ALKBH1: variants seen among roughly 807,000 people sequenced by gnomAD.
ALKBH1 encodes alkB homolog 1, histone H2A dioxygenase, also known as nucleic acid dioxygenase ALKBH1.
Under a neutral mutation model 36.6 loss-of-function variants are expected in ALKBH1, and 31 were observed. That is an observed-to-expected ratio of 0.85 (90% confidence interval 0.64 to 1.14). ALKBH1 has a LOEUF of 1.14. Ranked by LOEUF, ALKBH1 falls within the 50% of genes most tolerant of loss-of-function variation. The probability of loss-of-function intolerance (pLI) is 0.00; values close to 1 mark genes in which losing one functional copy is unlikely to be tolerated. For missense variants in ALKBH1, 490 were observed against 497.3 expected (o/e 0.99, Z 0.14); for synonymous variants, 183 against 186.6 (o/e 0.98, Z 0.16).
At chr14:77,679,099 G>A (rs1388032429) in intron 4 of ALKBH1, among the ~76,000 whole-genome samples, 2 of 152,146 alleles carry the variant, frequency 1.3e-5, no homozygotes, top group Non-Finnish European at 2.9e-5. Context: ...TTACAGGAGT[G>A]AGCCACCGCG....
intron 3 of ALKBH1, among the ~76,000 whole-genome samples, chr14:77,684,971 C>G (rs1477270836): frequency 6.6e-6 from 1 of 152,070 alleles, no homozygotes; most frequent in African/African-American, 2.4e-5. Flanking sequence ...TTGATATGGC[C>G]GCAACAAACT....
At chr14:77,702,847 C>T (rs1341645153) in intron 2 of ALKBH1, among the ~76,000 whole-genome samples, 2 of 152,146 alleles carry the variant, frequency 1.3e-5, no homozygotes, top group South Asian at 2.1e-4. Context: ...TGCCACCACA[C>T]TTGGCTAATT....
At chr14:77,688,734 G>A (rs1260495408) in intron 3 of ALKBH1, among the ~76,000 whole-genome samples, 2 of 151,554 alleles carry the variant, frequency 1.3e-5, no homozygotes, top group Non-Finnish European at 2.9e-5. Context: ...ACCATGCCCA[G>A]CTATTTTTTG....
Position 77,694,914 on chromosome 14 carries a change from GGGT to G in ALKBH1, c.293-17_293-15del. On this transcript the variant is annotated splice_polypyrimidine_tract_variant and intron_variant, in intron 2 of 5. Transcript: ENST00000216489. ...TAAAAATAAACCCTATACAAAAGAT[GGGT>G]GGGAAAAAAAGAAGAGGGGGAAATT... is the stretch of plus-strand genomic sequence containing the variant. 6.8e-7 allele frequency: 1 copy of G among 1,474,540 alleles called. No individual in the cohort carries two copies. The highest frequency in any genetic ancestry group is 9.0e-7 in the Non-Finnish European group (1 of 1,111,578). 91.3% of individuals were successfully genotyped at this position (1,474,540 alleles called of 1,614,324 possible). A position where few individuals can be genotyped will look rare whatever the true frequency, so the allele number is the denominator to read the frequency against.
At chr14:77,681,857 TCA>T (rs1392555146) in intron 3 of ALKBH1, among the ~76,000 whole-genome samples, 1 of 152,258 alleles carries the variant, frequency 6.6e-6, no homozygotes, top group African/African-American at 2.4e-5. Context: ...GGTAAACATT[TCA>T]CAGATTTTGT....
At chr14:77,693,525 C>T (rs1273551538) in intron 3 of ALKBH1, among the ~76,000 whole-genome samples, 1 of 152,168 alleles carries the variant, frequency 6.6e-6, no homozygotes, top group East Asian at 1.9e-4. Context: ...AGTACACATC[C>T]TATGCTCTTG....
chr14:77,690,706 G>A (rs1435535528), intron 3 of ALKBH1, among the ~76,000 whole-genome samples: 8 of 151,906 alleles, frequency 5.3e-5, no homozygotes, highest in Non-Finnish European at 1.2e-4. Flanking sequence ...GATATGTCAC[G>A]TTAGATTTAC....
intron 2 of ALKBH1, among the ~76,000 whole-genome samples, chr14:77,703,345 G>A (rs934284019): frequency 6.6e-6 from 1 of 150,794 alleles, no homozygotes; most frequent in Non-Finnish European, 1.5e-5. Flanking sequence ...CCAGGCTGGA[G>A]TGCAGTGGCA....
At chr14:77,685,706 T>G (rs1308072374) in intron 3 of ALKBH1, among the ~76,000 whole-genome samples, 1 of 150,936 alleles carries the variant, frequency 6.6e-6, no homozygotes, top group Non-Finnish European at 1.5e-5. Context: ...AGGAGAAGGT[T>G]GCAGTAGACC....
intron 3 of ALKBH1, among the ~76,000 whole-genome samples, chr14:77,692,864 G>A (rs1375979138): frequency 6.6e-6 from 1 of 151,260 alleles, no homozygotes; most frequent in Admixed American, 6.6e-5. Flanking sequence ...AGCCTGCCGA[G>A]TAGCTAGGAC....
chr14:77,679,161 A>C (rs2040430972), intron 4 of ALKBH1, among the ~76,000 whole-genome samples: 1 of 152,198 alleles, frequency 6.6e-6, no homozygotes, highest in Admixed American at 6.5e-5. Flanking sequence ...ACGAATGAAC[A>C]ATTGAAATAC....
intron 2 of ALKBH1, among the ~76,000 whole-genome samples, chr14:77,695,165 G>T (rs2080320428): frequency 1.3e-5 from 2 of 152,144 alleles, no homozygotes; most frequent in Non-Finnish European, 2.9e-5. Context: ...ATTGGAAGTG[G>T]TAAAAGTACA....
At chr14:77,694,660 G>T in intron 3 of ALKBH1, 78 bp downstream of exon 3, 1 of 1,246,900 alleles carries the variant, frequency 8.0e-7, no homozygotes, top group South Asian at 2.5e-5. Context: ...TTACTGCATT[G>T]TTATAGAACA....
At chr14:77,702,170 G>A (rs2080362973) in intron 2 of ALKBH1, among the ~76,000 whole-genome samples, 1 of 152,046 alleles carries the variant, frequency 6.6e-6, no homozygotes, top group South Asian at 2.1e-4. Flanking sequence ...GCGTGGTGGC[G>A]GGTGCCTGTA....
intron 2 of ALKBH1, among the ~76,000 whole-genome samples, chr14:77,701,049 T>C (rs928672102): frequency 1.3e-5 from 2 of 152,150 alleles, no homozygotes; most frequent in African/African-American, 2.4e-5. Context: ...GAAGCGTGAT[T>C]GTGCTACTGC....
intron 3 of ALKBH1, among the ~76,000 whole-genome samples, chr14:77,686,077 T>G (rs1271772486): frequency 6.6e-6 from 1 of 152,198 alleles, no homozygotes; most frequent in Non-Finnish European, 1.5e-5. Flanking sequence ...ATATCTGCCT[T>G]CAATATGTTG....
rs565110947 is a variant in ALKBH1 at position 77,682,606 on chromosome 14, A to G, written c.456-2636T>C. ...GGAAAAGAGAGATGGTAGAAGTGGT[A>G]GTAAAAGATGAAAGAAGTTGGTCAT... On this transcript the variant is annotated intron_variant, in intron 3 of 5. Coordinates refer to ENST00000216489, the MANE Select transcript of ALKBH1 (RefSeq NM_006020.3). Among the ~76,000 whole-genome samples, 5 of 152,350 alleles carry G rather than the reference A, an allele frequency of 3.3e-5. No individual in the cohort carries two copies. In the South Asian group the frequency reaches 1.0e-3, roughly 32 times the overall value.
In ALKBH1 at chr14:77,672,589, T is replaced by C. The variant is rs772472261; in HGVS notation, c.*1223A>G. 1 of 152,182 alleles carries C rather than the reference T, an allele frequency of 6.6e-6. No individual in the cohort carries two copies. Among genetic ancestry groups the C allele is most frequent in the African/African-American group, 2.4e-5 (1 of 41,448 alleles). 9.4% of individuals were successfully genotyped at this position (152,182 alleles called of 1,614,324 possible). A position where few individuals can be genotyped will look rare whatever the true frequency, so the allele number is the denominator to read the frequency against. ...CAGCCAGTCCTCCACACAAGGAAGT[T>C]AGGATGTTTCAAAGAGCCCTTATAA... On this transcript the variant is annotated 3_prime_UTR_variant, in exon 6 of 6. Transcript: ENST00000216489.
intron 3 of ALKBH1, among the ~76,000 whole-genome samples, chr14:77,684,522 C>T (rs1396195861): frequency 1.3e-5 from 2 of 152,008 alleles, no homozygotes; most frequent in African/African-American, 2.4e-5. Flanking sequence ...CCACCACGCC[C>T]GGCTAATTTT....
Sources: gnomAD v4.1 joint callset for allele counts (sites outside exome capture counted in the v4.1 genomes callset) on GRCh38, gnomAD v4.1.1 for gene constraint, MANE v1.5 for transcripts, NCBI Gene and HGNC (gene_info 2026-07-23, HGNC 2026-07-21) for gene names.